The following SPATA22 variants were observed in gnomAD, a reference collection of about 807,000 sequenced individuals.
SPATA22 encodes the protein spermatogenesis-associated protein 22.
In SPATA22, 29 loss-of-function variants were observed where a neutral mutation model predicts 47.8. The observed-to-expected ratio is 0.61, with a 90% confidence interval of 0.45 to 0.83. The LOEUF is 0.83. Among genes scored for constraint, SPATA22 ranks in the 40% least tolerant of loss-of-function variants. The pLI is 0.00. For missense variants in SPATA22, 410 were observed against 421.7 expected (o/e 0.97, Z 0.24); for synonymous variants, 133 against 140.9 (o/e 0.94, Z 0.40).
At chr17:3,506,032 A>ACAGGCGTGAGC (rs1378528168) in intron 1 of SPATA22, among the ~76,000 whole-genome samples, 1 of 152,200 alleles carries the variant, frequency 6.6e-6, no homozygotes. Flanking sequence ...TGCTGGGATT[A>ACAGGCGTGAGC]CAGGCGTGAG....
At chr17:3,464,245 G>A (rs1198832646) in intron 3 of SPATA22, among the ~76,000 whole-genome samples, 2 of 151,850 alleles carry the variant, frequency 1.3e-5, no homozygotes, top group African/African-American at 4.8e-5. Context: ...GCCTCCGGAG[G>A]TGCCGGGATT....
At chr17:3,493,766 A>T (rs903656779) in intron 1 of SPATA22, among the ~76,000 whole-genome samples, 2 of 152,072 alleles carry the variant, frequency 1.3e-5, no homozygotes, top group Non-Finnish European at 2.9e-5. Flanking sequence ...CCGCATAGCC[A>T]GGGGATTAGA....
intron 5 of SPATA22, among the ~76,000 whole-genome samples, chr17:3,453,381 A>ATTC (rs2072907906): frequency 6.6e-6 from 1 of 152,180 alleles, no homozygotes; most frequent in South Asian, 2.1e-4. Flanking sequence ...AAATCAATCA[A>ATTC]TGTTATACAC....
At chr17:3,448,722 C>T (rs558265111) in intron 6 of SPATA22, 85 bp downstream of exon 6, 20 of 946,186 alleles carry the variant, frequency 2.1e-5, no homozygotes, top group South Asian at 5.6e-5. Flanking sequence ...TTATTTCAGG[C>T]GCTCTTATCT....
In SPATA22 at chr17:3,463,440, GTATCTAAACA is replaced by G. The variant is rs1398822758; in HGVS notation, c.173-683_173-674del. 8.5e-5 allele frequency among the ~76,000 whole-genome samples: 13 copies of G among 152,244 alleles called. No homozygotes were observed. In the East Asian group the frequency reaches 1.7e-3, roughly 20 times the overall value. ...GCAATTGTAACATAATAGTATTTGT[GTATCTAAACA>G]TATCTAAACATAGAAAAGGTACAGT... is the stretch of plus-strand genomic sequence containing the variant. On this transcript the variant is annotated intron_variant, in intron 3 of 8. Coordinates refer to ENST00000572969, the MANE Select transcript of SPATA22 (RefSeq NM_001170698.2).
chr17:3,492,651 C>A (rs771401077), intron 1 of SPATA22, among the ~76,000 whole-genome samples: 2 of 152,166 alleles, frequency 1.3e-5, no homozygotes, highest in African/African-American at 2.4e-5. Context: ...AAACCCTGTA[C>A]GTGTACCATT....
At chr17:3,507,750 T>C (rs2074055716) in intron 1 of SPATA22, among the ~76,000 whole-genome samples, 1 of 152,224 alleles carries the variant, frequency 6.6e-6, no homozygotes, top group Non-Finnish European at 1.5e-5. Context: ...CGGAAGAGCT[T>C]TGTAAACAGT....
chr17:3,448,119 T>C (rs1450303817), intron 6 of SPATA22, among the ~76,000 whole-genome samples: 2 of 152,188 alleles, frequency 1.3e-5, no homozygotes, highest in Admixed American at 6.5e-5. Context: ...ACAGAGTGTA[T>C]GCTATGTTTA....
chr17:3,462,670 C>G (rs2073152676), intron 4 of SPATA22, 37 bp downstream of exon 4: 1 of 1,583,102 alleles, frequency 6.3e-7, no homozygotes, highest in East Asian at 2.2e-5. Context: ...CAGTTAGTAA[C>G]AGACACACAT....
At chr17:3,499,565 T>C (rs1415621132) in intron 1 of SPATA22, 1 of 152,880 alleles carries the variant, frequency 6.5e-6, no homozygotes, top group Non-Finnish European at 1.5e-5. Flanking sequence ...CACCCTTTGA[T>C]AATATTTCAA....
rs534344344 is a variant in SPATA22, at chr17:3,510,159, A to T, written c.-74+3253T>A. Among the ~76,000 whole-genome samples, 63 of 152,288 alleles carry T rather than the reference A, an allele frequency of 4.1e-4. 1 individual carries two copies. The highest frequency in any genetic ancestry group is 8.1e-4 in the Non-Finnish European group (55 of 68,036). Reference sequence around the variant, plus strand: ...TTTGTTTTGCTGTGCAGAAGTGGATAGAGCACTCTTTGAGGGCTTTCATGG... The same window carrying T: ...TTTGTTTTGCTGTGCAGAAGTGGATTGAGCACTCTTTGAGGGCTTTCATGG... On this transcript the variant is annotated intron_variant, in intron 1 of 8. Transcript: ENST00000541913.
chr17:3,509,396 ATGAG>A (rs1355624185), intron 1 of SPATA22, among the ~76,000 whole-genome samples: 1 of 151,802 alleles, frequency 6.6e-6, no homozygotes, highest in African/African-American at 2.4e-5. Context: ...AATTCCACTT[ATGAG>A]TGAGAACATG....
chr17:3,511,297 C>G (rs1454671400), intron 1 of SPATA22: 7 of 152,166 alleles, frequency 4.6e-5, no homozygotes, highest in South Asian at 4.2e-4. Context: ...TCCTGCCCCC[C>G]AATATAAGCG....
In SPATA22 at chr17:3,489,385, A is replaced by T. The variant is rs373381764; in HGVS notation, c.-73-19987T>A. 3 of 1,466,294 alleles carry T rather than the reference A, an allele frequency of 2.0e-6. No homozygotes were observed. The African/African-American group carries it at 4.2e-5, about 20-fold the overall frequency. The allele number at this position is 1,466,294 out of a possible 1,614,324, so 90.8% of individuals were successfully genotyped here. A position where few individuals can be genotyped will look rare whatever the true frequency, so the allele number is the denominator to read the frequency against. ...TAACGTTATCAAACTTAACCACCAA[A>T]CATTTAAATAACAATTGGAACCTGG... is the stretch of plus-strand genomic sequence containing the variant. On this transcript the variant is annotated intron_variant, in intron 1 of 8. Coordinates refer to the SPATA22 transcript ENST00000541913.
chr17:3,465,320 G>A (rs1191633719), intron 3 of SPATA22, among the ~76,000 whole-genome samples: 1 of 151,960 alleles, frequency 6.6e-6, no homozygotes, highest in Non-Finnish European at 1.5e-5. Flanking sequence ...GACAATGGCG[G>A]TTTTGTGGAA....
Position 3,462,517 on chromosome 17 carries a change from G to T in SPATA22, c.295C>A (p.Gln99Lys). Residue 99 changes from glutamine to lysine, a missense_variant, in exon 5 of 9, where the codon CAA (glutamine) becomes AAA (lysine). By Grantham distance (53) the Gln-to-Lys change is moderately conservative (BLOSUM62 1). Coordinates refer to ENST00000572969, the MANE Select transcript of SPATA22 (RefSeq NM_001170698.2). ...CCCTGGCTTCTTCCAGTATTTGATT[G>T]AATAGAGTTAAAGACAGAATCTTGA... ...RSQDSVFNSI[Q>K]SNTGRSQGGW... 1 of 1,611,572 alleles carries T rather than the reference G, an allele frequency of 6.2e-7. No individual in the cohort carries two copies. Among genetic ancestry groups the T allele is most frequent in the South Asian group, 1.1e-5 (1 of 90,308 alleles).
intron 1 of SPATA22, among the ~76,000 whole-genome samples, chr17:3,476,875 G>A (rs2073532051): frequency 1.3e-5 from 2 of 152,212 alleles, no homozygotes; most frequent in South Asian, 2.1e-4. Context: ...GAATGAAAGC[G>A]TGATTAAATA....
Position 3,462,541 on chromosome 17 carries a change from G to T in SPATA22, c.271C>A (p.Gln91Lys). ...TGAATAGAGTTAAAGACAGAATCTT[G>T]ACTTCTCAGAGGACGAGAAACTGAA... ...PHSVSRPLRS[Q>K]DSVFNSIQSN... Residue 91 changes from glutamine to lysine, a missense_variant, in exon 5 of 9, where the codon CAA becomes AAA. Transcript: ENST00000572969. The T allele has an allele frequency of 6.2e-7, 1 of 1,613,388 alleles. No individual in the cohort carries two copies. The highest frequency in any genetic ancestry group is 8.5e-7 in the Non-Finnish European group (1 of 1,179,708).
At position 3,489,463 on chromosome 17, in the gene SPATA22, T is replaced by G. The variant is rs1187431720; in HGVS notation, c.-73-20065A>C. The G allele has an allele frequency of 3.8e-6, 3 of 788,948 alleles. No homozygotes were observed. In the Admixed American group the frequency reaches 6.5e-5, roughly 17 times the overall value. The allele number at this position is 788,948 out of a possible 1,614,324, so 48.9% of individuals were successfully genotyped here. A position where few individuals can be genotyped will look rare whatever the true frequency, so the allele number is the denominator to read the frequency against. On this transcript the variant is annotated intron_variant, in intron 1 of 8. Transcript: ENST00000541913. The stretch of plus-strand genomic sequence containing the variant: ...AGTGCTTTTTAAAATTTTTATTCAC[T>G]TCAGCTATTCCCCAATGGCCAGGAT...
Sources: allele counts gnomAD v4.1 joint callset (sites outside exome capture counted in the v4.1 genomes callset), GRCh38; gene constraint gnomAD v4.1.1; transcripts MANE v1.5; gene names NCBI Gene and HGNC (gene_info 2026-07-23, HGNC 2026-07-21).